USP50: variants seen among roughly 807,000 people sequenced by gnomAD.
The protein encoded by USP50 is ubiquitin specific peptidase 50.
USP50 carries 37 observed loss-of-function variants against 39.2 expected under a neutral mutation model. That is an observed-to-expected ratio of 0.94 (90% CI 0.73 to 1.24). The LOEUF is 1.24. Among genes scored for constraint, USP50 ranks in the 50% most tolerant of loss-of-function variants. The probability of loss-of-function intolerance (pLI) is 0.00; values close to 1 mark genes in which losing one functional copy is unlikely to be tolerated. For missense variants in USP50, 374 were observed against 398.2 expected (o/e 0.94, Z 0.52); for synonymous variants, 139 against 144.5 (o/e 0.96, Z 0.27).
At chr15:50,521,006 T>C (rs1393977098) in intron 6 of USP50, among the ~76,000 whole-genome samples, 3 of 152,182 alleles carry the variant, frequency 2.0e-5, no homozygotes, top group Non-Finnish European at 4.4e-5. Context: ...GATAAAGGTT[T>C]GAGGTGATGG....
intron 3 of USP50, among the ~76,000 whole-genome samples, chr15:50,543,362 G>A (rs2053044923): frequency 6.6e-6 from 1 of 152,176 alleles, no homozygotes; most frequent in Non-Finnish European, 1.5e-5. Context: ...ATTACCCTTG[G>A]AGTATTTGCC....
chr15:50,519,647 G>A (rs934770259), intron 6 of USP50, among the ~76,000 whole-genome samples: 3 of 151,502 alleles, frequency 2.0e-5, no homozygotes, highest in Middle Eastern at 3.5e-3. Context: ...CCCGGGAGGC[G>A]GAGCTTGCAG....
chr15:50,514,171 A>G (rs1267372438), intron 6 of USP50: 2 of 152,214 alleles, frequency 1.3e-5, no homozygotes, highest in Admixed American at 6.5e-5. Context: ...AAAAGGATAT[A>G]CTGTACAATT....
In USP50 at chr15:50,546,631, T is replaced by G; in HGVS notation, c.-106A>C. 8.2e-7 allele frequency: 1 copy of G among 1,221,760 alleles called. No homozygotes were observed. The highest frequency in any genetic ancestry group is 1.2e-6 in the Non-Finnish European group (1 of 834,486). The allele number at this position is 1,221,760 out of a possible 1,614,324, so 75.7% of individuals were successfully genotyped here. A position where few individuals can be genotyped will look rare whatever the true frequency, so the allele number is the denominator to read the frequency against. ...AACGCTGGCTTTTTGTTTTAAACAA[T>G]TGATATGCTCCTCTCTCTTCCAGTA... On this transcript the variant is annotated 5_prime_UTR_variant, in exon 1 of 7. Transcript: ENST00000532404.
chr15:50,508,495 T>A (rs2052693789), intron 6 of USP50: 1 of 152,204 alleles, frequency 6.6e-6, no homozygotes, highest in Non-Finnish European at 1.5e-5. Flanking sequence ...AGATAGACAT[T>A]TGTAGTTTTA....
chr15:50,494,408 T>C lies in USP50; in HGVS notation n.185-278A>G, dbSNP rs957069749. The C allele has an allele frequency of 3.6e-5, 26 of 728,660 alleles. No individual in the cohort carries two copies. The African/African-American group carries it at 4.3e-4, about 12-fold the overall frequency. 45.1% of individuals were successfully genotyped at this position (728,660 alleles called of 1,614,324 possible). ...CTTGTTTATTCAAATAGTGACTGTATAAGAGAATTATAAAACATCAGGTAA... is the reference window on the plus strand; with the variant it reads ...CTTGTTTATTCAAATAGTGACTGTACAAGAGAATTATAAAACATCAGGTAA... On this transcript the variant is annotated intron_variant and non_coding_transcript_variant, in intron 1 of 1. Coordinates refer to the USP50 transcript ENST00000560159.
At chr15:50,526,209 C>A (rs1158642533) in intron 6 of USP50, among the ~76,000 whole-genome samples, 3 of 152,126 alleles carry the variant, frequency 2.0e-5, no homozygotes, top group Non-Finnish European at 2.9e-5. Context: ...CAGGTATGCA[C>A]CACCATGCTC....
chr15:50,525,536 A>G (rs1277832611), intron 6 of USP50, among the ~76,000 whole-genome samples: 1 of 84,178 alleles, frequency 1.2e-5, no homozygotes, highest in African/African-American at 5.5e-5. Flanking sequence ...GTATATGTAT[A>G]TGTATATATG....
chr15:50,509,661 A>G (rs1283956042), intron 6 of USP50: 1 of 152,178 alleles, frequency 6.6e-6, no homozygotes, highest in African/African-American at 2.4e-5. Context: ...AAATAAAATA[A>G]AATAAAATAA....
intron 6 of USP50, chr15:50,505,581 A>G (rs1346623048): frequency 1.3e-5 from 2 of 152,224 alleles, no homozygotes; most frequent in African/African-American, 4.8e-5. Context: ...GATTAACAAA[A>G]AAGACTGATG....
At chr15:50,494,706 C>A (rs1017470159) in intron 1 of USP50, among the ~76,000 whole-genome samples, 15 of 152,110 alleles carry the variant, frequency 9.9e-5, no homozygotes, top group African/African-American at 3.6e-4. Flanking sequence ...TTTATTCTTA[C>A]ACATCCTTCT....
intron 6 of USP50, among the ~76,000 whole-genome samples, chr15:50,519,246 G>T (rs1222394985): frequency 1.3e-5 from 2 of 151,884 alleles, no homozygotes; most frequent in East Asian, 1.9e-4. Flanking sequence ...GAGATCACAT[G>T]ACTGCACTCC....
chr15:50,520,081 G>A lies in USP50; in HGVS notation c.936+9716C>T, dbSNP rs140119783. 1.8e-4 allele frequency among the ~76,000 whole-genome samples: 27 copies of A among 151,968 alleles called. 1 individual carries two copies. The East Asian group carries it at 5.3e-3, about 30-fold the overall frequency. On this transcript the variant is annotated intron_variant, in intron 6 of 6. Transcript: ENST00000532404. ...CATTTTTGGAAGGTCAAGACAAGGA[G>A]GATCACTTGAGGCCAGTAATTGGAG...
chr15:50,542,831 A>T (rs1371224988), intron 3 of USP50, among the ~76,000 whole-genome samples: 1 of 152,158 alleles, frequency 6.6e-6, no homozygotes, highest in Non-Finnish European at 1.5e-5. Flanking sequence ...TGGAACTGAG[A>T]TCTGCCAATG....
intron 3 of USP50, 82 bp from the exon 4 acceptor site, chr15:50,541,346 TACAAAAAAA>T (rs1351348590): frequency 3.2e-6 from 4 of 1,267,870 alleles, no homozygotes; most frequent in Admixed American, 2.2e-5. Flanking sequence ...ATCCCATCTC[TACAAAAAAA>T]ACAAAAAATT....
chr15:50,526,805 A>G lies in USP50; in HGVS notation c.936+2992T>C, dbSNP rs186750959. Among the ~76,000 whole-genome samples, 13 of 152,310 alleles carry G rather than the reference A, an allele frequency of 8.5e-5. No individual in the cohort carries two copies. In the East Asian group the frequency reaches 2.5e-3, roughly 29 times the overall value. ...GGCTCTGCTCTTTGTAGGCAGTATG[A>G]TTTGGGGCAAATTATTTAACCTCTC... On this transcript the variant is annotated intron_variant, in intron 6 of 6. Transcript: ENST00000532404.
intron 5 of USP50, among the ~76,000 whole-genome samples, chr15:50,533,537 T>C (rs1189301797): frequency 6.6e-6 from 1 of 151,330 alleles, no homozygotes; most frequent in Admixed American, 6.6e-5. Flanking sequence ...TCAGAAACCA[T>C]GCAAACAAGA....
intron 5 of USP50, 116 bp from the exon 6 acceptor site, chr15:50,530,045 G>A: frequency 2.8e-6 from 4 of 1,426,812 alleles, no homozygotes; most frequent in Non-Finnish European, 3.8e-6. Context: ...AGTGGCTCAT[G>A]CCTGTAATCC....
chr15:50,536,366 C>A lies in USP50; in HGVS notation c.803+2343G>T, dbSNP rs933799642. Among the ~76,000 whole-genome samples the A allele has an allele frequency of 3.3e-5, 5 of 152,262 alleles. No homozygotes were observed. In the East Asian group the frequency reaches 9.6e-4, roughly 29 times the overall value. On this transcript the variant is annotated intron_variant, in intron 5 of 6. Transcript: ENST00000532404. ...ATTCAAAATTAAAAATATGGCTGGG[C>A]ATGGTGGCTCACACCTGTAATCCCA...
Sources: allele counts gnomAD v4.1 joint callset (sites outside exome capture counted in the v4.1 genomes callset), GRCh38; gene constraint gnomAD v4.1.1; transcripts MANE v1.5; gene names NCBI Gene and HGNC (gene_info 2026-07-23, HGNC 2026-07-21).